Variants in KCNMB2 observed in about 807,000 individuals in gnomAD.
KCNMB2 encodes the protein potassium calcium-activated channel subfamily M regulatory beta subunit 2.
Under a neutral mutation model 24.5 loss-of-function variants are expected in KCNMB2, and 9 were observed. The observed-to-expected ratio is 0.37, with a 90% CI of 0.22 to 0.64. The LOEUF is 0.64. Ranked by LOEUF, KCNMB2 falls within the 30% of genes least tolerant of loss-of-function variation. The pLI is 0.63. For missense variants in KCNMB2, 226 were observed against 284.3 expected (o/e 0.79, Z 1.47); for synonymous variants, 109 against 104.4 (o/e 1.04, Z -0.27).
At chr3:178,563,840 T>C (rs1175687972) in intron 1 of KCNMB2, among the ~76,000 whole-genome samples, 1 of 152,164 alleles carries the variant, frequency 6.6e-6, no homozygotes, top group East Asian at 1.9e-4. Flanking sequence ...AGAGCCACCT[T>C]TATGACGTTT....
chr3:178,750,503 T>C (rs1320552516), intron 1 of KCNMB2, among the ~76,000 whole-genome samples: 1 of 152,204 alleles, frequency 6.6e-6, no homozygotes, highest in Non-Finnish European at 1.5e-5. Flanking sequence ...GAAGGCAGAA[T>C]CCAACAGATC....
At chr3:178,597,910 CAAAAGTT>C (rs903215538) in intron 1 of KCNMB2, among the ~76,000 whole-genome samples, 2 of 151,804 alleles carry the variant, frequency 1.3e-5, no homozygotes, top group African/African-American at 4.8e-5. Flanking sequence ...TTAAATATCT[CAAAAGTT>C]AAAAAATTGG....
At chr3:178,732,608 G>A (rs1723188306) in intron 1 of KCNMB2, among the ~76,000 whole-genome samples, 2 of 152,150 alleles carry the variant, frequency 1.3e-5, no homozygotes, top group Non-Finnish European at 2.9e-5. Context: ...GCTGTGATGT[G>A]CTTAATGGAG....
intron 1 of KCNMB2, among the ~76,000 whole-genome samples, chr3:178,720,636 G>A (rs1205914333): frequency 4.7e-5 from 6 of 126,684 alleles, no homozygotes; most frequent in East Asian, 2.1e-4. Flanking sequence ...ATCCTCTCCA[G>A]CACCTGTTGT....
At chr3:178,716,451 T>G (rs1722621400) in intron 1 of KCNMB2, among the ~76,000 whole-genome samples, 1 of 151,532 alleles carries the variant, frequency 6.6e-6, no homozygotes, top group African/African-American at 2.4e-5. Flanking sequence ...ATTTTTTTTT[T>G]TTTTTTTTTT....
chr3:178,537,026 G>A (rs924099369), intron 1 of KCNMB2, among the ~76,000 whole-genome samples: 3 of 152,172 alleles, frequency 2.0e-5, no homozygotes, highest in Admixed American at 6.5e-5. Flanking sequence ...GTGCCGGCTG[G>A]GCTACTGTAC....
In KCNMB2 at chr3:178,804,529, C is replaced by A. The variant is rs115191543; in HGVS notation, c.-67-2814C>A. On this transcript the variant is annotated intron_variant, in intron 1 of 4. Coordinates refer to ENST00000452583, the MANE Select transcript of KCNMB2 (RefSeq NM_181361.3). ...TGAGGAGTCACTAAGTCCTTTCCAA[C>A]AAGATTTAGACAGTTCATTAGAATA... Among the ~76,000 whole-genome samples the A allele has an allele frequency of 3.7e-3, 556 of 152,300 alleles. 1 individual carries two copies. Among genetic ancestry groups the A allele is most frequent in the African/African-American group, 0.013 (530 of 41,562 alleles).
intron 1 of KCNMB2, among the ~76,000 whole-genome samples, chr3:178,601,820 C>T (rs1279418229): frequency 7.2e-5 from 11 of 152,152 alleles, no homozygotes; most frequent in Admixed American, 5.9e-4. Context: ...CTAACAGTGG[C>T]ACTCTCAGGC....
rs1715479710 is a variant in KCNMB2, at chr3:178,842,925, G to A, written c.696G>A (p.Arg232=). ...CCCTACTATGTGAGAGGATCCAACG[G>A]ATCAATAGATAAATGCAAAAATGGA... ...YLSLLCERIQ[R]INR The change falls in exon 5 of 5, where the codon CGG becomes CGA. Residue 232 remains arginine, a synonymous_variant. Coordinates refer to ENST00000452583, the MANE Select transcript of KCNMB2 (RefSeq NM_181361.3). The A allele has an allele frequency of 1.3e-6, 2 of 1,599,962 alleles. No individual in the cohort carries two copies. The highest frequency in any genetic ancestry group is 2.7e-5 in the African/African-American group (2 of 74,234).
chr3:178,755,144 C>G (rs1214411104), intron 1 of KCNMB2, among the ~76,000 whole-genome samples: 1 of 152,208 alleles, frequency 6.6e-6, no homozygotes, highest in Non-Finnish European at 1.5e-5. Context: ...CAGGCAGTGT[C>G]AGCAACTCCT....
intron 2 of KCNMB2, among the ~76,000 whole-genome samples, chr3:178,816,266 A>G (rs1382042590): frequency 6.6e-6 from 1 of 151,920 alleles, no homozygotes; most frequent in African/African-American, 2.4e-5. Context: ...TATAAACTTC[A>G]GAGTTTTCAA....
intron 1 of KCNMB2, among the ~76,000 whole-genome samples, chr3:178,713,847 G>A (rs1299319252): frequency 6.6e-6 from 1 of 152,134 alleles, no homozygotes; most frequent in Non-Finnish European, 1.5e-5. Context: ...CAGCTCTGTG[G>A]AGCAAACCTG....
intron 4 of KCNMB2, among the ~76,000 whole-genome samples, chr3:178,833,997 C>A (rs938803668): frequency 6.6e-6 from 1 of 152,076 alleles, no homozygotes; most frequent in South Asian, 2.1e-4. Flanking sequence ...CTTGTGAATA[C>A]CTCAATGCCC....
chr3:178,809,546 C>T (rs1347880791), intron 2 of KCNMB2, among the ~76,000 whole-genome samples: 1 of 152,156 alleles, frequency 6.6e-6, no homozygotes, highest in Non-Finnish European at 1.5e-5. Flanking sequence ...AGGATTTGAA[C>T]CCAGCTGATG....
At chr3:178,662,766 C>G (rs1027753451) in intron 1 of KCNMB2, among the ~76,000 whole-genome samples, 8 of 151,960 alleles carry the variant, frequency 5.3e-5, no homozygotes, top group African/African-American at 1.9e-4. Context: ...ATAATTATAA[C>G]TAATATTTAT....
intron 1 of KCNMB2, among the ~76,000 whole-genome samples, chr3:178,652,725 C>G (rs1720176013): frequency 6.8e-6 from 1 of 147,932 alleles, no homozygotes; most frequent in Non-Finnish European, 1.5e-5. Flanking sequence ...TGCAATGGTG[C>G]AATCTCAGCT....
intron 1 of KCNMB2, among the ~76,000 whole-genome samples, chr3:178,571,222 T>A (rs1477078632): frequency 4.6e-5 from 7 of 151,886 alleles, no homozygotes; most frequent in Non-Finnish European, 7.4e-5. Context: ...ATTTTTTTTT[T>A]AATCAAGCTT....
Position 178,759,590 on chromosome 3 carries a change from T to A in KCNMB2, c.-67-47753T>A, listed in dbSNP as rs1159996852. Among the ~76,000 whole-genome samples, 13 of 131,536 alleles carry A rather than the reference T, an allele frequency of 9.9e-5. 1 individual carries two copies. In the East Asian group the frequency reaches 1.1e-3, roughly 12 times the overall value. The allele number at this position is 131,536 out of a possible 152,430, so 86.3% of individuals were successfully genotyped here. On this transcript the variant is annotated intron_variant, in intron 1 of 4. Transcript: ENST00000452583. Reference sequence around the variant, plus strand: ...CTCTCCACGAGGATATATATACATATATCTCTCTCCAAGAGGATATATATA... The same window carrying A: ...CTCTCCACGAGGATATATATACATAAATCTCTCTCCAAGAGGATATATATA...
chr3:178,737,103 C>T lies in KCNMB2; in HGVS notation c.-67-70240C>T, dbSNP rs528580754. On this transcript the variant is annotated intron_variant, in intron 1 of 4. Coordinates refer to ENST00000452583, the MANE Select transcript of KCNMB2 (RefSeq NM_181361.3). ...CGCCCAACGTAGTGAAACCTCATCTCTACTAAAAATACAAAAATTAGCCAG... is the reference window on the plus strand; with the variant it reads ...CGCCCAACGTAGTGAAACCTCATCTTTACTAAAAATACAAAAATTAGCCAG... Among the ~76,000 whole-genome samples, 308 of 152,232 alleles carry T rather than the reference C, an allele frequency of 2.0e-3. 1 individual carries two copies. Among genetic ancestry groups the T allele is most frequent in the Middle Eastern group, 6.8e-3 (2 of 294 alleles).
Sources: gnomAD v4.1 joint callset for allele counts (sites outside exome capture counted in the v4.1 genomes callset) on GRCh38, gnomAD v4.1.1 for gene constraint, MANE v1.5 for transcripts, NCBI Gene and HGNC (gene_info 2026-07-23, HGNC 2026-07-21) for gene names.